Variants in RHOT1 observed in about 807,000 individuals in gnomAD.
RHOT1 encodes ras homolog family member T1.
In RHOT1, 27 loss-of-function variants were observed where a neutral mutation model predicts 95.3. The ratio of observed to expected loss-of-function variants is 0.28; its 90% CI spans 0.21 to 0.39. RHOT1 has a LOEUF of 0.39. Among genes scored for constraint, RHOT1 ranks in the 10% least tolerant of loss-of-function variants. The probability of loss-of-function intolerance (pLI) is 1.00; values close to 1 mark genes in which losing one functional copy is unlikely to be tolerated. For missense variants in RHOT1, 578 were observed against 786.7 expected, an observed-to-expected ratio of 0.73 and a Z score of 3.17; for synonymous variants, 227 against 263.5, an observed-to-expected ratio of 0.86 and a Z score of 1.34.
rs576292984 is a variant in RHOT1 at position 32,193,231 on chromosome 17, G to A, written c.735G>A (p.Gly245=). ...KHISDGVADS[G]LTLKGFLFLH... is the part of the protein sequence containing the mutation. ...TAAGTGATGGTGTGGCTGACAGTGG[G>A]TTGACCCTGAAAGGTGGGTAAATGG... The change falls in exon 10 of 20, where the codon GGG becomes GGA. Residue 245 remains glycine, a synonymous_variant. Coordinates refer to ENST00000545287, the MANE Select transcript of RHOT1 (RefSeq NM_001033566.3). 273 of 1,609,368 alleles carry A rather than the reference G, an allele frequency of 1.7e-4. No homozygotes were observed. The highest frequency in any genetic ancestry group is 3.3e-4 in the Admixed American group (20 of 59,862).
chr17:32,167,606 A>G (rs2142498245), intron 1 of RHOT1, among the ~76,000 whole-genome samples: 1 of 152,316 alleles, frequency 6.6e-6, no homozygotes, highest in Middle Eastern at 3.4e-3. Flanking sequence ...AGACTGGCAA[A>G]TGACCACTGG....
At chr17:32,201,901 GTGTTTGTT>G (rs35875636) in intron 14 of RHOT1, among the ~76,000 whole-genome samples, 16 of 151,208 alleles carry the variant, frequency 1.1e-4, no homozygotes, top group East Asian at 3.9e-4. Flanking sequence ...TAAGGAGGTT[GTGTTTGTT>G]TGTTTGTTTG....
chr17:32,193,951 T>A, intron 10 of RHOT1, 36 bp from the exon 11 acceptor site: 1 of 1,607,516 alleles, frequency 6.2e-7, no homozygotes, highest in Non-Finnish European at 8.5e-7. Flanking sequence ...CCTATGTGAC[T>A]CTGTACACTT....
intron 6 of RHOT1, among the ~76,000 whole-genome samples, chr17:32,181,080 G>A (rs959132280): frequency 3.9e-5 from 6 of 152,136 alleles, no homozygotes; most frequent in Non-Finnish European, 7.3e-5. Context: ...AAGCATAATG[G>A]CACACCAAGG....
chr17:32,147,415 C>G (rs917650700), intron 1 of RHOT1, among the ~76,000 whole-genome samples: 16 of 152,076 alleles, frequency 1.1e-4, no homozygotes, highest in Admixed American at 6.6e-4. Flanking sequence ...TGCTTGACCC[C>G]AGGAGTTTGA....
chr17:32,143,017 C>T, intron 1 of RHOT1: 1 of 704,130 alleles, frequency 1.4e-6, no homozygotes, highest in Non-Finnish European at 2.7e-6. Context: ...TAGCCCTAAC[C>T]GCCCGACCTC....
chr17:32,182,083 ATAC>A (rs1402642893), intron 6 of RHOT1, among the ~76,000 whole-genome samples: 7 of 152,098 alleles, frequency 4.6e-5, no homozygotes, highest in Admixed American at 3.3e-4. Flanking sequence ...CTTAATTACT[ATAC>A]ATAACTAGCT....
intron 1 of RHOT1, among the ~76,000 whole-genome samples, chr17:32,154,586 C>CAA (rs1022159247): frequency 2.4e-4 from 15 of 61,706 alleles, no homozygotes; most frequent in South Asian, 1.7e-3. Context: ...GGCTCCATCT[C>CAA]AAAAAAAAAA....
intron 1 of RHOT1, among the ~76,000 whole-genome samples, chr17:32,166,281 A>C (rs939365928): frequency 6.6e-6 from 1 of 152,150 alleles, no homozygotes; most frequent in African/African-American, 2.4e-5. Context: ...TAATTTAAAA[A>C]TACTTTATTG....
At chr17:32,162,446 G>A (rs187051644) in intron 1 of RHOT1, among the ~76,000 whole-genome samples, 29 of 152,242 alleles carry the variant, frequency 1.9e-4, no homozygotes, top group Admixed American at 5.9e-4. Context: ...ATTGAACACA[G>A]TAATTTTAGC....
At chr17:32,213,039 C>T (rs575133749) in intron 19 of RHOT1, among the ~76,000 whole-genome samples, 2 of 152,218 alleles carry the variant, frequency 1.3e-5, no homozygotes, top group East Asian at 3.9e-4. Context: ...CAGCATCTGT[C>T]TAGGGCATGA....
intron 1 of RHOT1, among the ~76,000 whole-genome samples, chr17:32,167,994 A>G (rs555245401): frequency 1.3e-5 from 2 of 152,140 alleles, no homozygotes; most frequent in East Asian, 1.9e-4. Flanking sequence ...TGATCATCCC[A>G]CTATGCTCTA....
At chr17:32,191,005 G>T (rs2036449782) in intron 8 of RHOT1, among the ~76,000 whole-genome samples, 1 of 152,188 alleles carries the variant, frequency 6.6e-6, no homozygotes, top group Non-Finnish European at 1.5e-5. Context: ...ATGTTAGCCA[G>T]GCTGGTCTCG....
At position 32,203,991 on chromosome 17, in the gene RHOT1, A is replaced by T. The variant is rs2037515126; in HGVS notation, c.1416+18A>T. ...ACTTGTTGGTAAGAAATTCTGTGGCATACAAAAATTACTAATTATTGGGTA... is the reference window on the plus strand; with the variant it reads ...ACTTGTTGGTAAGAAATTCTGTGGCTTACAAAAATTACTAATTATTGGGTA... On this transcript the variant is annotated intron_variant, in intron 16 of 19. Transcript: ENST00000545287. 1 of 1,553,816 alleles carries T rather than the reference A, an allele frequency of 6.4e-7. No homozygotes were observed.
Position 32,142,533 on chromosome 17 carries a change from G to T in RHOT1, c.-160G>T. Reference sequence around the variant, plus strand: ...CGCTGGGCCGGAGGAGGCGGAGCTGGCGCTGTCCCGGCTCTCTTGCGGGGA... The same window carrying T: ...CGCTGGGCCGGAGGAGGCGGAGCTGTCGCTGTCCCGGCTCTCTTGCGGGGA... On this transcript the variant is annotated 5_prime_UTR_variant, in exon 1 of 20. Transcript: ENST00000545287. The T allele has an allele frequency of 1.9e-6, 1 of 528,748 alleles. No homozygotes were observed. The allele number at this position is 528,748 out of a possible 1,614,324, so 32.8% of individuals were successfully genotyped here. A position where few individuals can be genotyped will look rare whatever the true frequency, so the allele number is the denominator to read the frequency against.
intron 6 of RHOT1, among the ~76,000 whole-genome samples, chr17:32,178,605 C>T (rs558585567): frequency 6.6e-6 from 1 of 152,328 alleles, no homozygotes; most frequent in Non-Finnish European, 1.5e-5. Context: ...CTCTGCCCGC[C>T]CGCCACCCCG....
chr17:32,168,582 TAC>T (rs1424411451), intron 1 of RHOT1, among the ~76,000 whole-genome samples: 2 of 150,288 alleles, frequency 1.3e-5, no homozygotes, highest in South Asian at 2.1e-4. Context: ...CATATATATA[TAC>T]ACACACACAA....
Position 32,142,612 on chromosome 17 carries a change from G to C in RHOT1, c.-81G>C. ...CCGGCGGCCGAAGAGGCTGGCAGGT[G>C]GCGCCGTGGGGTGGGTGCTCCTGGT... On this transcript the variant is annotated 5_prime_UTR_variant, in exon 1 of 20. Coordinates refer to ENST00000545287, the MANE Select transcript of RHOT1 (RefSeq NM_001033566.3). 1 of 1,274,084 alleles carries C rather than the reference G, an allele frequency of 7.8e-7. No individual in the cohort carries two copies. The highest frequency in any genetic ancestry group is 1.0e-6 in the Non-Finnish European group (1 of 970,258). 78.9% of individuals were successfully genotyped at this position (1,274,084 alleles called of 1,614,324 possible). A position where few individuals can be genotyped will look rare whatever the true frequency, so the allele number is the denominator to read the frequency against.
chr17:32,187,736 T>G (rs1226449654), intron 8 of RHOT1, among the ~76,000 whole-genome samples: 1 of 152,096 alleles, frequency 6.6e-6, no homozygotes, highest in Non-Finnish European at 1.5e-5. Context: ...ATCCAGCTAA[T>G]TTTTGTATTT....
Sources: gnomAD v4.1 joint callset for allele counts (sites outside exome capture counted in the v4.1 genomes callset) on GRCh38, gnomAD v4.1.1 for gene constraint, MANE v1.5 for transcripts, NCBI Gene and HGNC (gene_info 2026-07-23, HGNC 2026-07-21) for gene names.